Variants in TP53BP1 observed in about 807,000 individuals in gnomAD.
The protein encoded by TP53BP1 is TP53-binding protein 1.
Under a neutral mutation model 200.8 loss-of-function variants are expected in TP53BP1, and 61 were observed. The ratio of observed to expected loss-of-function variants is 0.30; its 90% CI spans 0.25 to 0.38. The LOEUF (loss-of-function observed/expected upper bound fraction) is 0.38, where lower values mean the gene tolerates loss of function less well. TP53BP1 is among the 10% of genes least tolerant of loss of function. The pLI is 1.00. For synonymous variants in TP53BP1, 822 were observed against 844.3 expected, an observed-to-expected ratio of 0.97 and a Z score of 0.46; for missense variants, 2,144 against 2,371.9, an observed-to-expected ratio of 0.90 and a Z score of 2.00.
chr15:43,417,456 A>G (rs1335027034), intron 21 of TP53BP1, among the ~76,000 whole-genome samples: 3 of 152,224 alleles, frequency 2.0e-5, no homozygotes, highest in Non-Finnish European at 2.9e-5. Context: ...ACTAAGTCAC[A>G]AAGACTCCCT....
intron 4 of TP53BP1, among the ~76,000 whole-genome samples, chr15:43,489,633 G>C (rs920412296): frequency 9.8e-5 from 15 of 152,324 alleles, no homozygotes; most frequent in African/African-American, 2.9e-4. Context: ...AGCAGAGGCT[G>C]ACTGCTACTC....
chr15:43,462,268 T>TTTCTGAGG (rs2046457161), intron 11 of TP53BP1, among the ~76,000 whole-genome samples: 1 of 143,052 alleles, frequency 7.0e-6, no homozygotes, highest in Non-Finnish European at 1.5e-5. Flanking sequence ...AGAGTTGTTA[T>TTTCTGAGG]TTCTGAGGTA....
chr15:43,403,559 C>A lies in TP53BP1; in HGVS notation c.*3824G>T. 1.4e-6 allele frequency: 1 copy of A among 720,340 alleles called. No individual in the cohort carries two copies. Among genetic ancestry groups the A allele is most frequent in the Non-Finnish European group, 2.4e-6 (1 of 420,262 alleles). 44.6% of individuals were successfully genotyped at this position (720,340 alleles called of 1,614,324 possible). A position where few individuals can be genotyped will look rare whatever the true frequency, so the allele number is the denominator to read the frequency against. ...AGGCCTTGCACGTGGCAGTGTCTATCCTGTCAGATTTGGGAGGTCAGCTAT... is the reference window on the plus strand; with the variant it reads ...AGGCCTTGCACGTGGCAGTGTCTATACTGTCAGATTTGGGAGGTCAGCTAT... On this transcript the variant is annotated 3_prime_UTR_variant, in exon 28 of 28. Transcript: ENST00000382044.
In TP53BP1 at chr15:43,470,091, T is replaced by C. The variant is rs2046689495; in HGVS notation, c.1181-25A>G. The stretch of plus-strand genomic sequence containing the variant: ...TCTGGTTTAAAACAGGAGAAACAAA[T>C]TGAGAAATATCACTCATCAATATTA... On this transcript the variant is annotated intron_variant, in intron 10 of 27. Transcript: ENST00000382044. The C allele has an allele frequency of 2.5e-6, 4 of 1,572,058 alleles. No individual in the cohort carries two copies. In the East Asian group the frequency reaches 6.7e-5, roughly 26 times the overall value.
In TP53BP1 at chr15:43,432,612, T is replaced by C; in HGVS notation, c.3257A>G (p.His1086Arg). Residue 1086 changes from histidine (H) to arginine (R), a missense_variant, in exon 17 of 28, where the codon CAT becomes CGT. Physicochemically the swap from His to Arg is conservative, Grantham distance 29 (BLOSUM62 0). Coordinates refer to ENST00000382044, the MANE Select transcript of TP53BP1 (RefSeq NM_001141980.3). ...EEEKEKLEGD[H>R]TIRQSQQPMK... ...AGGCTGTTGACTCTGCCTGATTGTA[T>C]GGTCACCCTCCAATTTTTCTTTCTC... 6.2e-7 allele frequency: 1 copy of C among 1,613,046 alleles called. No individual in the cohort carries two copies. Among genetic ancestry groups the C allele is most frequent in the Non-Finnish European group, 8.5e-7 (1 of 1,179,142 alleles).
chr15:43,442,306 T>A (rs1337634285), intron 14 of TP53BP1, among the ~76,000 whole-genome samples: 1 of 151,996 alleles, frequency 6.6e-6, no homozygotes, highest in Non-Finnish European at 1.5e-5. Context: ...CAGGATGGTC[T>A]CAATCTCCTG....
In TP53BP1 at chr15:43,407,744, G is replaced by A. The variant is rs2044959607; in HGVS notation, c.5747-174C>T. 10 of 776,720 alleles carry A rather than the reference G, an allele frequency of 1.3e-5. No individual in the cohort carries two copies. In the East Asian group the frequency reaches 1.6e-4, roughly 12 times the overall value. 48.1% of individuals were successfully genotyped at this position (776,720 alleles called of 1,614,324 possible). A position where few individuals can be genotyped will look rare whatever the true frequency, so the allele number is the denominator to read the frequency against. ...GGCAGAGTTATAATCACTATGTGCT[G>A]ACCTTGTAGAAATATTTAACAAATA... On this transcript the variant is annotated intron_variant, in intron 27 of 27. Transcript: ENST00000382044.
chr15:43,424,295 T>G (rs1169786342), intron 18 of TP53BP1, among the ~76,000 whole-genome samples: 1 of 151,354 alleles, frequency 6.6e-6, no homozygotes. Flanking sequence ...TTTGCCACTT[T>G]CTTAAAACTA....
rs1051604165 is a variant in TP53BP1 at position 43,488,704 on chromosome 15, G to C, written c.371+2965C>G. Among the ~76,000 whole-genome samples the C allele has an allele frequency of 2.0e-5, 3 of 152,164 alleles. No individual in the cohort carries two copies. In the South Asian group the frequency reaches 6.2e-4, roughly 31 times the overall value. On this transcript the variant is annotated intron_variant, in intron 4 of 27. Coordinates refer to ENST00000382044, the MANE Select transcript of TP53BP1 (RefSeq NM_001141980.3). ...AGGTCAAGAGTTTAAGACCAGCCTG[G>C]CCAACATGGGGAAACCCCATCTCTA...
intron 24 of TP53BP1, 32 bp downstream of exon 24, chr15:43,413,083 ATGTG>A (rs780429828): frequency 1.5e-5 from 24 of 1,601,774 alleles, no homozygotes; most frequent in African/African-American, 5.4e-5. Flanking sequence ...AGAAGTGCCT[ATGTG>A]TCAGAGCTCC....
upstream of TP53BP1, chr15:43,493,167 G>A: frequency 3.3e-6 from 5 of 1,536,010 alleles, no homozygotes; most frequent in Non-Finnish European, 4.4e-6. Flanking sequence ...CCCCTTTCCC[G>A]TCACGTCACA....
Position 43,432,304 on chromosome 15 carries a change from T to A in TP53BP1, c.3565A>T (p.Thr1189Ser). 3.2e-5 allele frequency: 52 copies of A among 1,614,210 alleles called. No homozygotes were observed. The highest frequency in any genetic ancestry group is 4.4e-5 in the Non-Finnish European group (52 of 1,180,016). ...IKNVCEQGTSTVDQNFGKQDA... is the reference protein window; with the variant it reads ...IKNVCEQGTSSVDQNFGKQDA... ...TGCTTTCCAAAGTTCTGGTCCACTGTACTGGTCCCCTGCTCACACACATTC... is the reference window on the plus strand; with the variant it reads ...TGCTTTCCAAAGTTCTGGTCCACTGAACTGGTCCCCTGCTCACACACATTC... Residue 1189 changes from threonine to serine, a missense_variant, in exon 17 of 28, where the codon ACA becomes TCA. Physicochemically the swap from Thr to Ser is moderately conservative, Grantham distance 58. Around this residue, in one of 4 missense-constraint regions of TP53BP1, gnomAD observed 1,700 missense variants for 1,710.3 expected, o/e 0.99. Transcript: ENST00000382044.
At chr15:43,507,415 G>A (rs554073107) in intron 1 of TP53BP1, among the ~76,000 whole-genome samples, 36 of 152,262 alleles carry the variant, frequency 2.4e-4, no homozygotes, top group Admixed American at 1.0e-3. Flanking sequence ...GATTACAGGC[G>A]TGAGCCACTG....
intron 12 of TP53BP1, among the ~76,000 whole-genome samples, chr15:43,450,592 C>A (rs1327294470): frequency 6.6e-6 from 1 of 152,158 alleles, no homozygotes; most frequent in Non-Finnish European, 1.5e-5. Context: ...ATCATCAACC[C>A]ACCAAATATT....
At position 43,492,563 on chromosome 15, in the gene TP53BP1, G is replaced by T. The variant is rs2079141444; in HGVS notation, c.8-95C>A. 10 of 1,010,530 alleles carry T rather than the reference G, an allele frequency of 9.9e-6. No individual in the cohort carries two copies. The South Asian group carries it at 1.5e-4, about 15-fold the overall frequency. The allele number at this position is 1,010,530 out of a possible 1,614,324, so 62.6% of individuals were successfully genotyped here. ...TAATGGGGCGGAAGTACAAGAGCTG[G>T]GAAACGGGACCACTTCAGGACTCCT... is the stretch of plus-strand genomic sequence containing the variant. On this transcript the variant is annotated intron_variant, in intron 1 of 27. Coordinates refer to ENST00000382044, the MANE Select transcript of TP53BP1 (RefSeq NM_001141980.3).
chr15:43,480,299 T>G (rs1261783685), intron 5 of TP53BP1, among the ~76,000 whole-genome samples: 1 of 151,922 alleles, frequency 6.6e-6, no homozygotes, highest in African/African-American at 2.4e-5. Flanking sequence ...AATACAAAAA[T>G]TAGCCAGGTG....
Position 43,456,886 on chromosome 15 carries a change from C to T in TP53BP1, c.1722G>A (p.Met574Ile). The T allele has an allele frequency of 6.2e-7, 1 of 1,614,054 alleles. No homozygotes were observed. Among genetic ancestry groups the T allele is most frequent in the Non-Finnish European group, 8.5e-7 (1 of 1,180,044 alleles). The change falls in exon 12 of 28, where the codon ATG becomes ATA. Residue 574 changes from methionine (M) to isoleucine (I), a missense_variant. Physicochemically the swap from Met to Ile is conservative, Grantham distance 10. This residue lies in a region of TP53BP1 where 1,700 missense variants were observed against 1,710.3 expected (regional missense o/e 0.99). Coordinates refer to ENST00000382044, the MANE Select transcript of TP53BP1 (RefSeq NM_001141980.3). ...GTACTTCACCATCCTGTGCTGGATT[C>T]ATCAGGATACTATCATTTTCAGCAG... The part of the protein sequence containing the change: ...FVPAENDSIL[M>I]NPAQDGEVQL...
At chr15:43,452,858 T>C (rs2046202553) in intron 12 of TP53BP1, among the ~76,000 whole-genome samples, 1 of 152,136 alleles carries the variant, frequency 6.6e-6, no homozygotes, top group South Asian at 2.1e-4. Context: ...ATTAAAATAA[T>C]AGAATATCTC....
intron 16 of TP53BP1, among the ~76,000 whole-genome samples, chr15:43,434,148 T>C (rs1476105441): frequency 6.6e-6 from 1 of 152,092 alleles, no homozygotes; most frequent in Non-Finnish European, 1.5e-5. Flanking sequence ...GAATATATGG[T>C]CCAATGAAGA....
Sources: gnomAD v4.1 joint callset for allele counts (sites outside exome capture counted in the v4.1 genomes callset) on GRCh38, gnomAD v4.1.1 for gene constraint, gnomAD v4.1.1 regional missense constraint, MANE v1.5 for transcripts, NCBI Gene and HGNC (gene_info 2026-07-23, HGNC 2026-07-21) for gene names.